TAFA4: variants seen among roughly 807,000 people sequenced by gnomAD.
TAFA4 encodes the protein TAFA chemokine like family member 4.
TAFA4 carries 20 observed loss-of-function variants against 21.1 expected under a neutral mutation model. The observed-to-expected ratio is 0.95, with a 90% CI of 0.67 to 1.38. TAFA4 has a LOEUF of 1.38. Ranked by LOEUF, TAFA4 falls within the 40% of genes most tolerant of loss-of-function variation. The pLI is 0.00. For missense variants in TAFA4, 211 were observed against 180.9 expected, an observed-to-expected ratio of 1.17 and a Z score of -0.95; for synonymous variants, 71 against 67.4, an observed-to-expected ratio of 1.05 and a Z score of -0.26.
chr3:68,876,359 T>G (rs1454544086), intron 3 of TAFA4, among the ~76,000 whole-genome samples: 1 of 152,180 alleles, frequency 6.6e-6, no homozygotes, highest in Admixed American at 6.5e-5. Context: ...CAAACGCATC[T>G]GTGTTAAGTA....
At chr3:68,741,812 A>G (rs73104794) in intron 4 of TAFA4, among the ~76,000 whole-genome samples, 1 of 152,070 alleles carries the variant, frequency 6.6e-6, no homozygotes, top group Non-Finnish European at 1.5e-5. Context: ...AAAAATAAAA[A>G]TAAAAACTCT....
intron 3 of TAFA4, among the ~76,000 whole-genome samples, chr3:68,874,612 G>A (rs2089524889): frequency 6.6e-6 from 1 of 152,140 alleles, no homozygotes; most frequent in Admixed American, 6.6e-5. Context: ...CAAGGGTAAG[G>A]AGAATCTTTT....
chr3:68,768,176 C>T (rs908198842), intron 3 of TAFA4, among the ~76,000 whole-genome samples: 8 of 152,078 alleles, frequency 5.3e-5, no homozygotes, highest in African/African-American at 1.7e-4. Context: ...AAGAGATGAC[C>T]GCAGAATGGG....
At chr3:68,830,685 CT>C (rs1704362371) in intron 3 of TAFA4, among the ~76,000 whole-genome samples, 2 of 152,148 alleles carry the variant, frequency 1.3e-5, no homozygotes, top group African/African-American at 4.8e-5. Context: ...GTGGAGAGTT[CT>C]GTAGAGGTCT....
At chr3:68,814,382 T>G (rs1279381834) in intron 3 of TAFA4, among the ~76,000 whole-genome samples, 1 of 152,170 alleles carries the variant, frequency 6.6e-6, no homozygotes, top group Non-Finnish European at 1.5e-5. Context: ...AAATTGTCCC[T>G]GTTTGCAGAT....
At chr3:68,920,734 A>T (rs1391059566) in intron 1 of TAFA4, among the ~76,000 whole-genome samples, 3 of 148,534 alleles carry the variant, frequency 2.0e-5, no homozygotes, top group Admixed American at 1.4e-4. Context: ...TGGCACCACT[A>T]TCCCCTACAA....
At chr3:68,754,601 G>A (rs902112529) in intron 3 of TAFA4, among the ~76,000 whole-genome samples, 1 of 152,002 alleles carries the variant, frequency 6.6e-6, no homozygotes. Context: ...TGGTTAGGAT[G>A]GTATCTGTCA....
intron 3 of TAFA4, among the ~76,000 whole-genome samples, chr3:68,767,345 G>A (rs1230401555): frequency 1.3e-5 from 2 of 152,034 alleles, no homozygotes; most frequent in African/African-American, 2.4e-5. Context: ...AGCCAGTAGA[G>A]AAGAGAAAGC....
chr3:68,929,414 T>C (rs543532196), intron 1 of TAFA4, among the ~76,000 whole-genome samples: 8 of 152,240 alleles, frequency 5.3e-5, no homozygotes, highest in Non-Finnish European at 1.2e-4. Context: ...TCCTGAATCT[T>C]GACAAATTAG....
chr3:68,857,411 A>T (rs1705094404), intron 3 of TAFA4, among the ~76,000 whole-genome samples: 1 of 152,170 alleles, frequency 6.6e-6, no homozygotes, highest in Non-Finnish European at 1.5e-5. Flanking sequence ...ATTTGAAAAG[A>T]AGATAAACAG....
rs1329991882 is a variant in TAFA4, at chr3:68,885,169, T to G, written c.14+6A>C. On this transcript the variant is annotated splice_donor_region_variant and intron_variant, in intron 2 of 5. Transcript: ENST00000295569. ...CATGTCCAGGTGAACGTTAAAATAA[T>G]CTTACCTTGGGGACCTCATAAGATG... The G allele has an allele frequency of 6.2e-7, 1 of 1,612,710 alleles. No homozygotes were observed. The highest frequency in any genetic ancestry group is 1.1e-5 in the South Asian group (1 of 90,826).
rs148889644 is a variant in TAFA4, at chr3:68,810,493, C to T, written c.131-57475G>A. On this transcript the variant is annotated intron_variant, in intron 3 of 5. Transcript: ENST00000295569. ...CCACCCTAATACTGCACTTTTCCAA[C>T]GGTCTTAGCAAACAGCAGACCAGAA... is the stretch of plus-strand genomic sequence containing the variant. Among the ~76,000 whole-genome samples the T allele has an allele frequency of 4.6e-3, 703 of 152,302 alleles. 44 individuals are homozygous for T. The East Asian group carries it at 0.11, about 25-fold the overall frequency.
intron 3 of TAFA4, among the ~76,000 whole-genome samples, chr3:68,801,752 C>T (rs1024244698): frequency 6.6e-6 from 1 of 152,080 alleles, no homozygotes; most frequent in African/African-American, 2.4e-5. Context: ...AAAATGACCA[C>T]TTAAAAATGT....
At chr3:68,901,599 C>T (rs573223791) in intron 1 of TAFA4, among the ~76,000 whole-genome samples, 10 of 152,234 alleles carry the variant, frequency 6.6e-5, no homozygotes, top group South Asian at 2.1e-4. Flanking sequence ...GTTCCAGGAA[C>T]GATATATCAA....
chr3:68,849,033 C>T (rs2106906539), intron 3 of TAFA4, among the ~76,000 whole-genome samples: 1 of 152,266 alleles, frequency 6.6e-6, no homozygotes, highest in South Asian at 2.1e-4. Flanking sequence ...AGCTATCCTT[C>T]TAGAATGGAA....
At chr3:68,797,111 C>CAGA (rs754888087) in intron 3 of TAFA4, among the ~76,000 whole-genome samples, 3 of 152,124 alleles carry the variant, frequency 2.0e-5, no homozygotes, top group Admixed American at 1.3e-4. Flanking sequence ...AAAGTAAAAA[C>CAGA]AGAATTACCA....
At chr3:68,841,861 G>A (rs1019453046) in intron 3 of TAFA4, among the ~76,000 whole-genome samples, 5 of 152,096 alleles carry the variant, frequency 3.3e-5, no homozygotes, top group African/African-American at 1.2e-4. Flanking sequence ...CCATATCCCT[G>A]CAAAGGACAT....
chr3:68,745,467 A>G (rs1244353010), intron 4 of TAFA4, among the ~76,000 whole-genome samples: 2 of 152,212 alleles, frequency 1.3e-5, no homozygotes, highest in East Asian at 1.9e-4. Flanking sequence ...ATGAAAACAC[A>G]TAATACCCCT....
At chr3:68,850,172 T>C (rs1191631245) in intron 3 of TAFA4, among the ~76,000 whole-genome samples, 1 of 152,172 alleles carries the variant, frequency 6.6e-6, no homozygotes, top group Non-Finnish European at 1.5e-5. Context: ...TCATTTATAC[T>C]AAACACTCAG....
Sources: allele counts gnomAD v4.1 joint callset (sites outside exome capture counted in the v4.1 genomes callset), GRCh38; gene constraint gnomAD v4.1.1; transcripts MANE v1.5; gene names NCBI Gene and HGNC (gene_info 2026-07-23, HGNC 2026-07-21).